Variants in PACS2 observed in about 807,000 individuals in gnomAD.
The protein encoded by PACS2 is phosphofurin acidic cluster sorting protein 2.
PACS2 carries 36 observed loss-of-function variants against 113.0 expected under a neutral mutation model. The observed-to-expected ratio is 0.32, with a 90% CI of 0.24 to 0.42. The LOEUF (loss-of-function observed/expected upper bound fraction) is 0.42. Ranked by LOEUF, PACS2 falls within the 10% of genes least tolerant of loss-of-function variation. The pLI is 1.00. For missense variants in PACS2, 1,015 were observed against 1,239.5 expected, an observed-to-expected ratio of 0.82 and a Z score of 2.72; for synonymous variants, 589 against 536.1, an observed-to-expected ratio of 1.10 and a Z score of -1.36.
chr14:105,330,052 C>T lies in PACS2; in HGVS notation c.119+15015C>T, dbSNP rs587619297. 1.3e-5 allele frequency among the ~76,000 whole-genome samples: 2 copies of T among 152,170 alleles called. No individual in the cohort carries two copies. Among genetic ancestry groups the T allele is most frequent in the East Asian group, 1.9e-4 (1 of 5,176 alleles). ...CCAGGAAGGGTTGAGCCAGAGCCTCCGAGAAGCCTGGGGTCCATGTGTGGG... is the reference window on the plus strand; with the variant it reads ...CCAGGAAGGGTTGAGCCAGAGCCTCTGAGAAGCCTGGGGTCCATGTGTGGG... On this transcript the variant is annotated intron_variant, in intron 1 of 24. Transcript: ENST00000447393. This position sits in a 1 kb window ranked among gnomAD's most constrained non-coding sequence, Gnocchi z 6.9.
At chr14:105,380,204 A>G (rs587763294) in intron 11 of PACS2, 50 bp downstream of exon 11, 32 of 1,457,336 alleles carry the variant, frequency 2.2e-5, no homozygotes, top group Non-Finnish European at 2.4e-5. Context: ...AGGCACACCA[A>G]TGCTGCCTTT....
intron 8 of PACS2, chr14:105,370,339 A>G (rs2061106584): frequency 9.1e-6 from 1 of 110,190 alleles, no homozygotes; most frequent in African/African-American, 3.9e-5. Flanking sequence ...CTGACATTCC[A>G]TGGATTTTTA....
At chr14:105,385,112 G>C (rs782251973) in intron 18 of PACS2, 125 bp downstream of exon 18, 85 of 679,704 alleles carry the variant, frequency 1.3e-4, no homozygotes, top group Non-Finnish European at 1.9e-4. Flanking sequence ...GCTTAGACCA[G>C]AGCCTGGGCC....
chr14:105,362,296 T>C (rs1183941947), intron 4 of PACS2, among the ~76,000 whole-genome samples: 1 of 136,234 alleles, frequency 7.3e-6, no homozygotes, highest in Non-Finnish European at 1.6e-5. Context: ...CGGGCGCCTG[T>C]AGTCCCAGCT....
intron 15 of PACS2, 74 bp downstream of exon 15, chr14:105,382,987 G>C: frequency 2.3e-6 from 2 of 881,012 alleles, no homozygotes; most frequent in Non-Finnish European, 3.7e-6. Flanking sequence ...TCTGCCCATT[G>C]CTCCGGGGCT....
At chr14:105,313,460 G>T (rs1306922115), upstream of PACS2, among the ~76,000 whole-genome samples, 1 of 152,232 alleles carries the variant, frequency 6.6e-6, no homozygotes, top group Non-Finnish European at 1.5e-5. Context: ...CCAGGGGCGC[G>T]TGGGAAACAC....
intron 2 of PACS2, among the ~76,000 whole-genome samples, chr14:105,349,502 G>A (rs1411876927): frequency 6.6e-6 from 1 of 152,252 alleles, no homozygotes; most frequent in African/African-American, 2.4e-5. Flanking sequence ...GACACCTGCT[G>A]TGGCTCTGAC....
Position 105,330,177 on chromosome 14 carries a change from C to T in PACS2, c.119+15140C>T, listed in dbSNP as rs113934516. Among the ~76,000 whole-genome samples, 6 of 79,838 alleles carry T rather than the reference C, an allele frequency of 7.5e-5. No homozygotes were observed. Among genetic ancestry groups the T allele is most frequent in the Admixed American group, 2.8e-4 (2 of 7,052 alleles). 52.4% of individuals were successfully genotyped at this position (79,838 alleles called of 152,430 possible). A position where few individuals can be genotyped will look rare whatever the true frequency, so the allele number is the denominator to read the frequency against. On this transcript the variant is annotated intron_variant, in intron 1 of 24. Transcript: ENST00000447393. The surrounding 1 kb of genome is among the most constrained non-coding windows in gnomAD (Gnocchi z 6.9). ...AGAAGCCTGGGGTCCGTGTGTGGGA[C>T]GGAACGGGGACAGGGAGCCTCCGAG...
At position 105,360,821 on chromosome 14, in the gene PACS2, C is replaced by G. The variant is rs587679618; in HGVS notation, c.423+5644C>G. Among the ~76,000 whole-genome samples, 19 of 152,352 alleles carry G rather than the reference C, an allele frequency of 1.2e-4. No individual in the cohort carries two copies. In the South Asian group the frequency reaches 3.3e-3, roughly 27 times the overall value. On this transcript the variant is annotated intron_variant, in intron 4 of 24. Transcript: ENST00000447393. ...ATTTCAGAATTGGGGTCAGTCCTCT[C>G]AAACCCCGTTGCTGCGTTACTAACC...
chr14:105,327,967 T>C (rs1595582227), intron 1 of PACS2, among the ~76,000 whole-genome samples: 1 of 152,190 alleles, frequency 6.6e-6, no homozygotes, highest in Non-Finnish European at 1.5e-5. Flanking sequence ...GAGGGGCCAT[T>C]GACAGCCGAG....
chr14:105,325,343 G>A (rs931813292), intron 1 of PACS2, among the ~76,000 whole-genome samples: 5 of 151,988 alleles, frequency 3.3e-5, no homozygotes, highest in Non-Finnish European at 7.4e-5. Context: ...AGCTGGAGCA[G>A]GGGAGGGGAC....
intron 8 of PACS2, among the ~76,000 whole-genome samples, chr14:105,375,603 C>G (rs1197783509): frequency 2.0e-5 from 3 of 151,998 alleles, no homozygotes; most frequent in East Asian, 3.9e-4. Context: ...AAATGTAAAC[C>G]AAACCACAAT....
At chr14:105,381,436 T>G (rs2080991108) in intron 12 of PACS2, among the ~76,000 whole-genome samples, 1 of 152,198 alleles carries the variant, frequency 6.6e-6, no homozygotes, top group Admixed American at 6.5e-5. Flanking sequence ...GGATTTCAAT[T>G]TCATGTTTCT....
At chr14:105,391,804 CG>C (rs2081368082) in intron 22 of PACS2, 38 bp downstream of exon 22, 2 of 1,551,146 alleles carry the variant, frequency 1.3e-6, no homozygotes, top group African/African-American at 2.8e-5. Context: ...TTCACTTACC[CG>C]CCCCACCACA....
chr14:105,375,769 T>C (rs978049889), intron 8 of PACS2, among the ~76,000 whole-genome samples: 2 of 152,146 alleles, frequency 1.3e-5, no homozygotes, highest in Non-Finnish European at 2.9e-5. Flanking sequence ...TGTTCTTCAG[T>C]GTTGACTTCA....
chr14:105,385,075 C>T, intron 18 of PACS2, 88 bp downstream of exon 18: 1 of 870,266 alleles, frequency 1.1e-6, no homozygotes, highest in Non-Finnish European at 1.9e-6. Context: ...TGGGCTTGGC[C>T]TGGTGGGCCG....
intron 4 of PACS2, among the ~76,000 whole-genome samples, chr14:105,359,181 G>A (rs929596070): frequency 2.6e-5 from 4 of 152,078 alleles, no homozygotes; most frequent in Non-Finnish European, 5.9e-5. Context: ...CCAGGCCTTC[G>A]CATTACTCAC....
rs1396950197 is a variant in PACS2 at position 105,324,430 on chromosome 14, G to A, written c.119+9393G>A. Among the ~76,000 whole-genome samples the A allele has an allele frequency of 6.6e-6, 1 of 152,188 alleles. No homozygotes were observed. The highest frequency in any genetic ancestry group is 1.5e-5 in the Non-Finnish European group (1 of 68,024). ...GCTTATTCCTGCCTGGCCGTGGAGG[G>A]TCTCTGTAGGACAGGCTCCCGCTGA... On this transcript the variant is annotated intron_variant, in intron 1 of 24. Transcript: ENST00000447393. The surrounding 1 kb of genome is among the most constrained non-coding windows in gnomAD (Gnocchi z 4.7).
chr14:105,314,522 A>C (rs2058467280), upstream of PACS2: 1 of 144,880 alleles, frequency 6.9e-6, no homozygotes, highest in African/African-American at 2.5e-5. Context: ...GCTCTCGCGC[A>C]CCGGCGGGCG....
Sources: gnomAD v4.1 joint callset for allele counts (sites outside exome capture counted in the v4.1 genomes callset) on GRCh38, gnomAD v4.1.1 for gene constraint, Gnocchi (gnomAD v3.1) non-coding constraint, MANE v1.5 for transcripts, NCBI Gene and HGNC (gene_info 2026-07-23, HGNC 2026-07-21) for gene names.